Variants in GCN1 observed in about 807,000 individuals in gnomAD.
GCN1 encodes the protein GCN1 activator of EIF2AK4.
Under a neutral mutation model 288.4 loss-of-function variants are expected in GCN1, and 90 were observed. That is an observed-to-expected ratio of 0.31 (90% CI 0.26 to 0.37). The LOEUF is 0.37. GCN1 is among the 10% of genes least tolerant of loss of function. GCN1 has a pLI of 1.00. For synonymous variants in GCN1, 1,386 were observed against 1,420.2 expected (o/e 0.98, Z 0.54); for missense variants, 2,586 against 3,419.9 (o/e 0.76, Z 6.08).
At position 120,160,172 on chromosome 12, in the gene GCN1, C is replaced by T; in HGVS notation, c.2520G>A (p.Arg840=). 6.2e-7 allele frequency: 1 copy of T among 1,612,330 alleles called. No individual in the cohort carries two copies. The highest frequency in any genetic ancestry group is 8.5e-7 in the Non-Finnish European group (1 of 1,179,846). ...QKEMLQAQLD[R]EAQVRRRLQE... ...GCAGCCGCCTCCGGACCTGCGCCTC[C>T]CTGTCTAGCTGGGCCTGCAGCATCT... The change falls in exon 23 of 58, where the codon AGG becomes AGA. Residue 840 remains arginine, a synonymous_variant. Coordinates refer to ENST00000300648, the MANE Select transcript of GCN1 (RefSeq NM_006836.2).
Position 120,142,136 on chromosome 12 carries a change from C to CT in GCN1, c.5829+370dup, listed in dbSNP as rs1466471458. On this transcript the variant is annotated intron_variant, in intron 44 of 57. Coordinates refer to ENST00000300648, the MANE Select transcript of GCN1 (RefSeq NM_006836.2). This position sits in a 1 kb window ranked among gnomAD's most constrained non-coding sequence, Gnocchi z 4.9. ...GGTCAGGAGATCGAGACCGTCCTGGCTAACGTGCTGAAACCCCGTCTCTAC... is the reference window on the plus strand; with the variant it reads ...GGTCAGGAGATCGAGACCGTCCTGGCTTAACGTGCTGAAACCCCGTCTCTAC... Among the ~76,000 whole-genome samples the CT allele has an allele frequency of 6.6e-6, 1 of 152,018 alleles. No homozygotes were observed. The highest frequency in any genetic ancestry group is 1.5e-5 in the Non-Finnish European group (1 of 68,028).
intron 34 of GCN1, 31 bp from the exon 35 acceptor site, chr12:120,150,074 A>C: frequency 1.9e-6 from 3 of 1,611,402 alleles, no homozygotes; most frequent in Non-Finnish European, 2.5e-6. Flanking sequence ...ACGGCTGGGA[A>C]GAGAATGTCC....
At chr12:120,175,670 C>T in intron 11 of GCN1, 76 bp downstream of exon 11, 1 of 1,457,666 alleles carries the variant, frequency 6.9e-7, no homozygotes, top group Non-Finnish European at 9.3e-7. Flanking sequence ...AGCATCAAGT[C>T]CCCTTCAGAT....
At position 120,155,373 on chromosome 12, in the gene GCN1, G is replaced by A. The variant is rs368335038; in HGVS notation, c.3498C>T (p.Asp1166=). The change falls in exon 30 of 58, where the codon GAC becomes GAT. Residue 1166 remains aspartate (D), a synonymous_variant. Transcript: ENST00000300648. The surrounding 1 kb of genome is among the most constrained non-coding windows in gnomAD (Gnocchi z 4.9). ...LQPDLCSLLI[D]DVIYHEAAVR... ...CAGCCGCCTCATGATAGATCACGTC[G>A]TCAATCAGCAAGGAGCAGAGGTCTG... 80 of 1,613,998 alleles carry A rather than the reference G, an allele frequency of 5.0e-5. No homozygotes were observed. Among genetic ancestry groups the A allele is most frequent in the Middle Eastern group, 1.6e-4 (1 of 6,084 alleles).
chr12:120,134,331 T>G lies in GCN1; in HGVS notation c.7277A>C (p.Asn2426Thr). 1 of 1,613,824 alleles carries G rather than the reference T, an allele frequency of 6.2e-7. No homozygotes were observed. The highest frequency in any genetic ancestry group is 8.5e-7 in the Non-Finnish European group (1 of 1,179,856). The change falls in exon 53 of 58, where the codon AAC (asparagine) becomes ACC (threonine). Residue 2426 changes from asparagine to threonine, a missense_variant. Transcript: ENST00000300648. This position sits in a 1 kb window ranked among gnomAD's most constrained non-coding sequence, Gnocchi z 5.0. ...GAKVDAVIRK[N>T]IVSLLLSMLG... is the part of the protein sequence containing the mutation. ...CATGCTCAGCAGGAGTGAGACGATG[T>G]TTTTCCGGATGACGGCATCCACTTT... is the stretch of plus-strand genomic sequence containing the variant.
chr12:120,132,886 C>T (rs1876875301), intron 53 of GCN1, among the ~76,000 whole-genome samples: 1 of 152,210 alleles, frequency 6.6e-6, no homozygotes, highest in Non-Finnish European at 1.5e-5. Context: ...GTTTGGGCCT[C>T]TGAGCTCGAA....
intron 1 of GCN1, 137 bp downstream of exon 1, chr12:120,194,543 G>C (rs1205262207): frequency 3.5e-6 from 3 of 866,824 alleles, no homozygotes; most frequent in Non-Finnish European, 5.2e-6. Context: ...AGTCCAGCCT[G>C]AGACGGCCCC....
Position 120,130,027 on chromosome 12 carries a change from G to A in GCN1, c.7672-533C>T, listed in dbSNP as rs1876763925. The stretch of plus-strand genomic sequence containing the variant: ...AGAAACTCCGTGGGTTCCCGGTGCT[G>A]CGGGGGGAGGCAGTCACTCTTGGGA... On this transcript the variant is annotated intron_variant, in intron 56 of 57. Transcript: ENST00000300648. Among the ~76,000 whole-genome samples the A allele has an allele frequency of 2.0e-5, 3 of 152,330 alleles. No homozygotes were observed. In the South Asian group the frequency reaches 6.2e-4, roughly 32 times the overall value.
chr12:120,165,500 C>A (rs902064588), intron 16 of GCN1, among the ~76,000 whole-genome samples: 1 of 151,936 alleles, frequency 6.6e-6, no homozygotes, highest in African/African-American at 2.4e-5. Context: ...CAGAGTCTCG[C>A]TATGTTGCCC....
At position 120,153,100 on chromosome 12, in the gene GCN1, T is replaced by C. The variant is rs1877620894; in HGVS notation, c.4062+113A>G. ...GAGGGGGTGAATCCTTAACAAGAAC[T>C]GGGCTTTCAGGGCCCTGATTGTCCA... On this transcript the variant is annotated intron_variant, in intron 33 of 57. Transcript: ENST00000300648. The surrounding 1 kb of genome is among the most constrained non-coding windows in gnomAD (Gnocchi z 4.4). 9 of 814,128 alleles carry C rather than the reference T, an allele frequency of 1.1e-5. No individual in the cohort carries two copies. Among genetic ancestry groups the C allele is most frequent in the Non-Finnish European group, 1.8e-5 (9 of 508,818 alleles). The allele number at this position is 814,128 out of a possible 1,614,324, so 50.4% of individuals were successfully genotyped here. A position where few individuals can be genotyped will look rare whatever the true frequency, so the allele number is the denominator to read the frequency against.
At chr12:120,138,167 A>AT in intron 47 of GCN1, 123 bp from the exon 48 acceptor site, 1 of 993,370 alleles carries the variant, frequency 1.0e-6, no homozygotes, top group South Asian at 1.5e-5. Flanking sequence ...CTACTCCAGC[A>AT]TATCTTGGAA....
At chr12:120,128,633 G>A (rs1876700495) in intron 57 of GCN1, among the ~76,000 whole-genome samples, 1 of 152,024 alleles carries the variant, frequency 6.6e-6, no homozygotes, top group Non-Finnish European at 1.5e-5. Flanking sequence ...CACCGCGGCT[G>A]GCCAGCTTTT....
At chr12:120,138,217 C>T in intron 47 of GCN1, 106 bp downstream of exon 47, 1 of 940,776 alleles carries the variant, frequency 1.1e-6, no homozygotes. Flanking sequence ...CTGCACCCTC[C>T]TCCCCCAGCC....
In GCN1 at chr12:120,166,479, C is replaced by T. The variant is rs377680885; in HGVS notation, c.1612+1729G>A. 1.4e-4 allele frequency among the ~76,000 whole-genome samples: 21 copies of T among 148,974 alleles called. No homozygotes were observed. In the East Asian group the frequency reaches 1.4e-3, roughly 10 times the overall value. On this transcript the variant is annotated intron_variant, in intron 16 of 57. Transcript: ENST00000300648. ...CAGCACTTTGGGAGGCCAAGGTGGG[C>T]GGATCATGAGGTCAGGAGACCAAGA...
Position 120,155,839 on chromosome 12 carries a change from A to C in GCN1, c.3313-120T>G. On this transcript the variant is annotated intron_variant, in intron 28 of 57. Transcript: ENST00000300648. This position sits in a 1 kb window ranked among gnomAD's most constrained non-coding sequence, Gnocchi z 4.9. ...TGTAGCCACTAACCGCATGTGGCTAAAGTTAAATCAATTAAAATTAACTCT... is the reference window on the plus strand; with the variant it reads ...TGTAGCCACTAACCGCATGTGGCTACAGTTAAATCAATTAAAATTAACTCT... 1.2e-6 allele frequency: 1 copy of C among 855,544 alleles called. No homozygotes were observed. The highest frequency in any genetic ancestry group is 2.4e-5 in the Admixed American group (1 of 41,928). The allele number at this position is 855,544 out of a possible 1,614,324, so 53.0% of individuals were successfully genotyped here. A position where few individuals can be genotyped will look rare whatever the true frequency, so the allele number is the denominator to read the frequency against.
intron 1 of GCN1, among the ~76,000 whole-genome samples, chr12:120,190,754 G>A (rs1399652147): frequency 6.6e-6 from 1 of 152,032 alleles, no homozygotes; most frequent in African/African-American, 2.4e-5. Context: ...AAGAGGAAAG[G>A]CAAAGACCTC....
intron 31 of GCN1, among the ~76,000 whole-genome samples, 185 bp downstream of exon 31, chr12:120,154,785 G>A (rs558353518): frequency 2.2e-4 from 34 of 152,324 alleles, no homozygotes; most frequent in South Asian, 4.1e-4. Context: ...AGGCTCTTCT[G>A]AAAGATGGTG....
chr12:120,150,017 A>G lies in GCN1; in HGVS notation c.4336T>C (p.Cys1446Arg). Residue 1446 changes from cysteine (C) to arginine (R), a missense_variant, in exon 35 of 58, where the codon TGC becomes CGC. Physicochemically the swap from Cys to Arg is radical, Grantham distance 180. Transcript: ENST00000300648. ...TCAAAAAGTTTCCCCAGCATGGTGC[A>G]GAGCATCTCGAAGGCAAAGAGGGCT... is the stretch of plus-strand genomic sequence containing the variant. ...EGALFAFEMLCTMLGKLFEPY... is the reference protein window; with the variant it reads ...EGALFAFEMLRTMLGKLFEPY... 5 of 1,614,138 alleles carry G rather than the reference A, an allele frequency of 3.1e-6. No individual in the cohort carries two copies. The highest frequency in any genetic ancestry group is 4.2e-6 in the Non-Finnish European group (5 of 1,179,996).
intron 36 of GCN1, among the ~76,000 whole-genome samples, chr12:120,149,000 TG>T (rs199911366): frequency 0.013 from 1,863 of 147,814 alleles, 32 homozygotes; most frequent in Middle Eastern, 0.099. Context: ...TTTTTTTTTT[TG>T]GTAGAGGTAG....
Sources: gnomAD v4.1 joint callset for allele counts (sites outside exome capture counted in the v4.1 genomes callset) on GRCh38, gnomAD v4.1.1 for gene constraint, Gnocchi (gnomAD v3.1) non-coding constraint, MANE v1.5 for transcripts, NCBI Gene and HGNC (gene_info 2026-07-23, HGNC 2026-07-21) for gene names.